The following GRID2 variants were observed in gnomAD, a reference collection of about 807,000 sequenced individuals.
GRID2 encodes glutamate ionotropic receptor delta type subunit 2.
GRID2 carries 33 observed loss-of-function variants against 114.8 expected under a neutral mutation model. The observed-to-expected ratio is 0.29, with a 90% CI of 0.22 to 0.38. The LOEUF is 0.38. Among genes scored for constraint, GRID2 ranks in the 10% least tolerant of loss-of-function variants. The probability of loss-of-function intolerance (pLI) is 1.00; values close to 1 mark genes in which losing one functional copy is unlikely to be tolerated. For synonymous variants in GRID2, 505 were observed against 449.9 expected (o/e 1.12, Z -1.55); for missense variants, 1,184 against 1,257.7 (o/e 0.94, Z 0.89).
intron 2 of GRID2, among the ~76,000 whole-genome samples, chr4:92,939,014 G>T (rs943229329): frequency 1.4e-5 from 2 of 146,496 alleles, no homozygotes; most frequent in African/African-American, 4.9e-5. Context: ...GAATAGTGCC[G>T]CAATAAACAT....
chr4:93,000,834 T>C (rs1034147731), intron 2 of GRID2, among the ~76,000 whole-genome samples: 1 of 150,896 alleles, frequency 6.6e-6, no homozygotes, highest in African/African-American at 2.4e-5. Flanking sequence ...GAGAAGGGGG[T>C]TGAAAAACTA....
At chr4:93,382,215 G>T (rs1763920603) in intron 8 of GRID2, among the ~76,000 whole-genome samples, 2 of 152,034 alleles carry the variant, frequency 1.3e-5, no homozygotes, top group Non-Finnish European at 2.9e-5. Flanking sequence ...GGTTGATAAT[G>T]TGGATCTCTG....
intron 2 of GRID2, among the ~76,000 whole-genome samples, chr4:92,840,508 T>C (rs893440811): frequency 6.6e-6 from 1 of 151,996 alleles, no homozygotes; most frequent in African/African-American, 2.4e-5. Context: ...CCTCAATTAT[T>C]CCCAAACTCC....
At chr4:93,252,014 GT>G (rs1409033722) in intron 8 of GRID2, among the ~76,000 whole-genome samples, 1 of 152,126 alleles carries the variant, frequency 6.6e-6, no homozygotes, top group Admixed American at 6.6e-5. Flanking sequence ...GGATTGCTGG[GT>G]TTAGTGGTAT....
intron 2 of GRID2, among the ~76,000 whole-genome samples, chr4:92,972,483 G>A (rs577903010): frequency 6.6e-6 from 1 of 151,970 alleles, no homozygotes; most frequent in Non-Finnish European, 1.5e-5. Context: ...ACACAATTTG[G>A]TGCTCTTTTC....
chr4:93,622,014 G>C (rs978326639), intron 13 of GRID2, among the ~76,000 whole-genome samples: 1 of 152,128 alleles, frequency 6.6e-6, no homozygotes, highest in Admixed American at 6.6e-5. Flanking sequence ...GAGGTCCCTT[G>C]AGGTTTGTAA....
intron 2 of GRID2, among the ~76,000 whole-genome samples, chr4:92,911,607 C>T (rs1578446206): frequency 6.6e-6 from 1 of 151,528 alleles, no homozygotes; most frequent in East Asian, 1.9e-4. Flanking sequence ...GATTTTAGGA[C>T]CACAAAACAA....
intron 2 of GRID2, among the ~76,000 whole-genome samples, chr4:92,896,511 T>G (rs1192507892): frequency 6.6e-6 from 1 of 151,520 alleles, no homozygotes; most frequent in Non-Finnish European, 1.5e-5. Flanking sequence ...TATCTATCTT[T>G]ATTATGAGAT....
At chr4:93,160,306 TAAG>T (rs1483141252) in intron 4 of GRID2, among the ~76,000 whole-genome samples, 2 of 151,728 alleles carry the variant, frequency 1.3e-5, no homozygotes, top group African/African-American at 4.8e-5. Flanking sequence ...ATTGAATGCT[TAAG>T]AAAAAATTAT....
intron 1 of GRID2, among the ~76,000 whole-genome samples, chr4:92,521,364 AAAAG>A (rs1258358456): frequency 6.6e-5 from 10 of 152,088 alleles, no homozygotes; most frequent in South Asian, 2.1e-4. Flanking sequence ...ATAAAAATAT[AAAAG>A]AAAGTCATAT....
chr4:92,356,193 G>A (rs568893961), intron 1 of GRID2, among the ~76,000 whole-genome samples: 3 of 151,448 alleles, frequency 2.0e-5, no homozygotes, highest in Non-Finnish European at 4.4e-5. Flanking sequence ...AAATGACAGA[G>A]TAAAGAAATT....
At chr4:92,622,671 C>T (rs1360519657) in intron 2 of GRID2, among the ~76,000 whole-genome samples, 1 of 151,274 alleles carries the variant, frequency 6.6e-6, no homozygotes, top group East Asian at 1.9e-4. Flanking sequence ...TATTATTTAC[C>T]ACTTGGTCTG....
intron 1 of GRID2, among the ~76,000 whole-genome samples, chr4:92,326,163 A>G (rs1726587779): frequency 6.6e-6 from 1 of 151,888 alleles, no homozygotes; most frequent in Non-Finnish European, 1.5e-5. Context: ...TGTCTTTCAG[A>G]ATTGAGCTAT....
At chr4:92,371,302 C>T (rs945546978) in intron 1 of GRID2, among the ~76,000 whole-genome samples, 2 of 152,164 alleles carry the variant, frequency 1.3e-5, no homozygotes, top group African/African-American at 4.8e-5. Flanking sequence ...AAGCAAACAT[C>T]TTCCTATTGG....
At chr4:93,137,445 A>G (rs1735363968) in intron 4 of GRID2, among the ~76,000 whole-genome samples, 1 of 152,152 alleles carries the variant, frequency 6.6e-6, no homozygotes, top group Middle Eastern at 3.2e-3. Flanking sequence ...TATCACAAGG[A>G]CCTAATATTT....
chr4:93,809,851 A>C (rs937806137), exon 2 of GRID2: 1 of 152,228 alleles, frequency 6.6e-6, no homozygotes, highest in Non-Finnish European at 1.5e-5. Flanking sequence ...ACAGTGTCTT[A>C]TATTGTAGTT....
intron 2 of GRID2, among the ~76,000 whole-genome samples, chr4:92,941,011 A>T (rs574567628): frequency 1.4e-3 from 220 of 152,112 alleles, no homozygotes; most frequent in Non-Finnish European, 2.7e-3. Flanking sequence ...TTCATGAGGG[A>T]TATTGGTTTA....
At chr4:92,723,141 A>G (rs189289010) in intron 2 of GRID2, among the ~76,000 whole-genome samples, 55 of 152,228 alleles carry the variant, frequency 3.6e-4, no homozygotes, top group Non-Finnish European at 5.9e-5. Context: ...TTAAAACATG[A>G]AACAAAAGGA....
At chr4:93,694,774 T>C (rs1185289194) in intron 14 of GRID2, among the ~76,000 whole-genome samples, 3 of 152,170 alleles carry the variant, frequency 2.0e-5, no homozygotes, top group African/African-American at 7.2e-5. Flanking sequence ...TGCTTTTCAT[T>C]TGACCTCAGG....
Sources: allele counts gnomAD v4.1 joint callset (sites outside exome capture counted in the v4.1 genomes callset), GRCh38; gene constraint gnomAD v4.1.1; transcripts MANE v1.5; gene names NCBI Gene and HGNC (gene_info 2026-07-23, HGNC 2026-07-21).